The following C2orf81 variants were observed in gnomAD, a reference collection of about 807,000 sequenced individuals.
The protein encoded by C2orf81 is chromosome 2 open reading frame 81.
In C2orf81, 5 loss-of-function variants were observed where a neutral mutation model predicts 7.9. That is an observed-to-expected ratio of 0.63 (90% CI 0.33 to 1.33). C2orf81 has a LOEUF of 1.33. C2orf81 is among the 40% of genes most tolerant of loss of function. C2orf81 has a pLI of 0.05. For synonymous variants in C2orf81, 346 were observed against 367.4 expected (o/e 0.94, Z 0.66); for missense variants, 781 against 830.4 (o/e 0.94, Z 0.73).
chr2:74,414,840 A>G lies in C2orf81; in HGVS notation c.1337T>C (p.Leu446Ser), dbSNP rs1208575942. The G allele has an allele frequency of 1.3e-6, 2 of 1,551,188 alleles. No individual in the cohort carries two copies. The highest frequency in any genetic ancestry group is 1.7e-6 in the Non-Finnish European group (2 of 1,146,694). Residue 446 changes from leucine to serine, a missense_variant, in exon 3 of 3, where the codon TTG becomes TCG. By Grantham distance (145) the Leu-to-Ser change is moderately radical (BLOSUM62 -2). Coordinates refer to ENST00000684111, the MANE Select transcript of C2orf81 (RefSeq NM_001316764.3). The surrounding 1 kb of genome is among the most constrained non-coding windows in gnomAD (Gnocchi z 5.3). The part of the protein sequence containing the change: ...PLRPGIPFRD[L>S]DSGPALLFPT... ...GAACAGGAGTGCGGGGCCCGAGTCC[A>G]AGTCACGGAAAGGAATGCCTGGCCG... is the stretch of plus-strand genomic sequence containing the variant.
chr2:74,418,436 C>T (rs761940543), intron 1 of C2orf81: 2 of 1,553,626 alleles, frequency 1.3e-6, no homozygotes, highest in Non-Finnish European at 8.9e-7. Context: ...GAGCTCGACT[C>T]GCTCATCTTC....
chr2:74,421,433 G>T, intron 1 of C2orf81, 110 bp downstream of exon 1: 1 of 269,488 alleles, frequency 3.7e-6, no homozygotes, highest in Non-Finnish European at 7.0e-6. Context: ...CGCGCGGTGG[G>T]CGGGAGCAAG....
At chr2:74,417,908 G>T (rs1270669209) in intron 1 of C2orf81, among the ~76,000 whole-genome samples, 3 of 152,042 alleles carry the variant, frequency 2.0e-5, no homozygotes, top group Non-Finnish European at 4.4e-5. Context: ...GGGAGGAGGG[G>T]GTAGGGATGG....
At position 74,415,662 on chromosome 2, in the gene C2orf81, G is replaced by C; in HGVS notation, c.515C>G (p.Ala172Gly). The change falls in exon 3 of 3, where the codon GCT becomes GGT. Residue 172 changes from alanine (A) to glycine (G), a missense_variant. Coordinates refer to ENST00000684111, the MANE Select transcript of C2orf81 (RefSeq NM_001316764.3). This position sits in a 1 kb window ranked among gnomAD's most constrained non-coding sequence, Gnocchi z 5.5. ...GCAGTGAGATGTCGGAAAGGGGAGA[G>C]CAGGAGCAATGGCAGAGGAGTCCGG... is the stretch of plus-strand genomic sequence containing the variant. ...ASPDSSAIAPALPFPTSHCPS... is the reference protein window; with the variant it reads ...ASPDSSAIAPGLPFPTSHCPS... 6.4e-7 allele frequency: 1 copy of C among 1,551,310 alleles called. No homozygotes were observed. Among genetic ancestry groups the C allele is most frequent in the Non-Finnish European group, 8.7e-7 (1 of 1,146,994 alleles).
Position 74,415,089 on chromosome 2 carries a change from T to TG in C2orf81, c.1087dup (p.His363ProfsTer29). 1 of 1,547,778 alleles carries TG rather than the reference T, an allele frequency of 6.5e-7. No individual in the cohort carries two copies. The stretch of plus-strand genomic sequence containing the variant: ...CGCCTTGCGGCGCATCCTGTGGTGG[T>TG]GGGCGCTCAGCCGCACATCCGAGTG... On this transcript the variant is annotated frameshift_variant, in exon 3 of 3. Coordinates refer to ENST00000684111, the MANE Select transcript of C2orf81 (RefSeq NM_001316764.3). LOFTEE classifies it low-confidence loss of function (END_TRUNC). This position sits in a 1 kb window ranked among gnomAD's most constrained non-coding sequence, Gnocchi z 5.5.
chr2:74,419,835 G>T (rs981764952), intron 1 of C2orf81, among the ~76,000 whole-genome samples: 7 of 152,166 alleles, frequency 4.6e-5, no homozygotes, highest in Non-Finnish European at 4.4e-5. Flanking sequence ...GCAGTGGCAA[G>T]ATCTCGGCTC....
intron 1 of C2orf81, chr2:74,416,624 C>A (rs1339052870): frequency 6.2e-6 from 1 of 160,072 alleles, no homozygotes; most frequent in Non-Finnish European, 1.3e-5. Context: ...AAACCGAAGT[C>A]TGACAGAAGT....
Position 74,415,722 on chromosome 2 carries a change from T to C in C2orf81, c.455A>G (p.Asn152Ser), listed in dbSNP as rs767944280. Residue 152 changes from asparagine to serine, a missense_variant, in exon 3 of 3, where the codon AAC (asparagine) becomes AGC (serine). Physicochemically the swap from Asn to Ser is conservative, Grantham distance 46 (BLOSUM62 1). Transcript: ENST00000684111. This position sits in a 1 kb window ranked among gnomAD's most constrained non-coding sequence, Gnocchi z 5.5. ...TGAGGAGTGTACTTCGCCTTGGAAGTTCTCCAGGCCCTCCGAGGTGGACGC... is the reference window on the plus strand; with the variant it reads ...TGAGGAGTGTACTTCGCCTTGGAAGCTCTCCAGGCCCTCCGAGGTGGACGC... Reference protein sequence around the residue: ...LHASTSEGLENFQGEVHSSGA... With the variant: ...LHASTSEGLESFQGEVHSSGA... 3.9e-6 allele frequency: 6 copies of C among 1,551,384 alleles called. No individual in the cohort carries two copies. In the South Asian group the frequency reaches 5.9e-5, roughly 15 times the overall value.
At chr2:74,416,319 C>A in intron 1 of C2orf81, 78 bp from the exon 2 acceptor site, 1 of 1,079,160 alleles carries the variant, frequency 9.3e-7, no homozygotes, top group South Asian at 1.5e-5. Context: ...TAGGAGGAAG[C>A]TTTCTCAAGT....
Position 74,414,856 on chromosome 2 carries a change from T to C in C2orf81, c.1321A>G (p.Ile441Val). The part of the protein sequence containing the change: ...PAAFFPLRPG[I>V]PFRDLDSGPA... ...CCCGAGTCCAAGTCACGGAAAGGAA[T>C]GCCTGGCCGGAGAGGGAAGAACGCT... The change falls in exon 3 of 3, where the codon ATT becomes GTT. Residue 441 changes from isoleucine (I) to valine (V), a missense_variant. Coordinates refer to ENST00000684111, the MANE Select transcript of C2orf81 (RefSeq NM_001316764.3). The surrounding 1 kb of genome is among the most constrained non-coding windows in gnomAD (Gnocchi z 5.3). The C allele has an allele frequency of 1.3e-6, 2 of 1,550,988 alleles. No homozygotes were observed. Among genetic ancestry groups the C allele is most frequent in the Non-Finnish European group, 1.7e-6 (2 of 1,146,494 alleles).
At chr2:74,418,596 C>T in intron 1 of C2orf81, 2 of 631,880 alleles carry the variant, frequency 3.2e-6, no homozygotes, top group Admixed American at 2.5e-5. Flanking sequence ...GTCGCAAATG[C>T]GGATGCCTTC....
intron 1 of C2orf81, chr2:74,418,183 G>A: frequency 7.9e-7 from 1 of 1,273,382 alleles, no homozygotes; most frequent in African/African-American, 1.5e-5. Context: ...CAGTTTTTTG[G>A]GTCTTCCCCT....
At chr2:74,416,399 G>T (rs1224110772) in intron 1 of C2orf81, 158 bp from the exon 2 acceptor site, 1 of 390,238 alleles carries the variant, frequency 2.6e-6, no homozygotes, top group Admixed American at 3.8e-5. Context: ...GTAGATGTTT[G>T]ACCTAATAAT....
At position 74,414,662 on chromosome 2, in the gene C2orf81, GCTGGGCCACCTGACA is replaced by G. The variant is rs746678242; in HGVS notation, c.1500_1514del (p.Val501_Ser505del). The G allele has an allele frequency of 3.3e-5, 51 of 1,548,636 alleles. No individual in the cohort carries two copies. The South Asian group carries it at 6.1e-4, about 19-fold the overall frequency. On this transcript the variant is annotated inframe_deletion, in exon 3 of 3. Coordinates refer to ENST00000684111, the MANE Select transcript of C2orf81 (RefSeq NM_001316764.3). This position sits in a 1 kb window ranked among gnomAD's most constrained non-coding sequence, Gnocchi z 5.3. Reference sequence around the variant, plus strand: ...GCAGCTCGGCCTTCCCCTCCCAACCGCTGGGCCACCTGACACTGGGCCACAGCTTGGGGCTGCGGC... The same window carrying G: ...GCAGCTCGGCCTTCCCCTCCCAACCGCTGGGCCACAGCTTGGGGCTGCGGC...
chr2:74,418,123 T>C (rs1294615853), intron 1 of C2orf81: 3 of 768,506 alleles, frequency 3.9e-6, no homozygotes, highest in East Asian at 5.5e-5. Flanking sequence ...AGAAGGAAGC[T>C]GCTCCTCCAG....
chr2:74,414,306 G>A lies in C2orf81; in HGVS notation c.*23C>T, dbSNP rs1676374821. On this transcript the variant is annotated 3_prime_UTR_variant, in exon 3 of 3. Coordinates refer to ENST00000684111, the MANE Select transcript of C2orf81 (RefSeq NM_001316764.3). The surrounding 1 kb of genome is among the most constrained non-coding windows in gnomAD (Gnocchi z 5.3). ...AGCGTGACCACACTTTGGGGGCTGA[G>A]TTCTTCATTAGCTGTGCTACGGTCA... The A allele has an allele frequency of 2.1e-6, 3 of 1,445,610 alleles. No individual in the cohort carries two copies. In the East Asian group the frequency reaches 7.6e-5, roughly 37 times the overall value. 89.5% of individuals were successfully genotyped at this position (1,445,610 alleles called of 1,614,324 possible).
At chr2:74,420,691 C>G (rs1676579251) in intron 1 of C2orf81, among the ~76,000 whole-genome samples, 1 of 151,586 alleles carries the variant, frequency 6.6e-6, no homozygotes. Flanking sequence ...AGCCTCGCAT[C>G]TGACACCCGT....
chr2:74,419,098 T>C (rs78962934), intron 1 of C2orf81, among the ~76,000 whole-genome samples: 1 of 152,000 alleles, frequency 6.6e-6, no homozygotes, highest in African/African-American at 2.4e-5. Flanking sequence ...CGAGAATCAC[T>C]TGAACCCGGG....
At chr2:74,416,317 A>C (rs1005572981) in intron 1 of C2orf81, 76 bp from the exon 2 acceptor site, 1 of 1,080,268 alleles carries the variant, frequency 9.3e-7, no homozygotes, top group African/African-American at 1.6e-5. Flanking sequence ...GCTAGGAGGA[A>C]GCTTTCTCAA....
Sources: allele counts gnomAD v4.1 joint callset (sites outside exome capture counted in the v4.1 genomes callset), GRCh38; gene constraint gnomAD v4.1.1; non-coding constraint Gnocchi (gnomAD v3.1); transcripts MANE v1.5; gene names NCBI Gene and HGNC (gene_info 2026-07-23, HGNC 2026-07-21).